DOCK8: variants seen among roughly 807,000 people sequenced by gnomAD.
The protein encoded by DOCK8 is dedicator of cytokinesis 8, also known as dedicator of cytokinesis protein 8.
In DOCK8, 141 loss-of-function variants were observed where a neutral mutation model predicts 245.6. That is an observed-to-expected ratio of 0.57 (90% CI 0.50 to 0.66). The LOEUF (loss-of-function observed/expected upper bound fraction) is 0.66. Ranked by LOEUF, DOCK8 falls within the 30% of genes least tolerant of loss-of-function variation. The pLI is 0.00. For synonymous variants in DOCK8, 1,168 were observed against 970.2 expected, an observed-to-expected ratio of 1.20 and a Z score of -3.79; for missense variants, 2,965 against 2,603.4, an observed-to-expected ratio of 1.14 and a Z score of -3.02.
At chr9:376,381 C>A in intron 19 of DOCK8, 76 bp downstream of exon 19, 5 of 1,038,330 alleles carry the variant, frequency 4.8e-6, no homozygotes, top group Non-Finnish European at 7.6e-6. Context: ...AATAAAAGAT[C>A]AGTGAAAATC....
chr9:220,461 C>T (rs529749918), intron 1 of DOCK8, among the ~76,000 whole-genome samples: 1 of 152,096 alleles, frequency 6.6e-6, no homozygotes, highest in Admixed American at 6.5e-5. Context: ...GACCAAGTCT[C>T]CCATCTCAAC....
chr9:319,222 G>A (rs2050478313), intron 7 of DOCK8, among the ~76,000 whole-genome samples: 1 of 152,198 alleles, frequency 6.6e-6, no homozygotes, highest in South Asian at 2.1e-4. Flanking sequence ...GTTCAAGGCT[G>A]CAGTGAGCTA....
chr9:356,747 A>G (rs993087977), intron 14 of DOCK8, among the ~76,000 whole-genome samples: 5 of 152,162 alleles, frequency 3.3e-5, no homozygotes, highest in African/African-American at 4.8e-5. Flanking sequence ...ACCAATTCAT[A>G]CTAAGGTGAG....
chr9:315,392 C>G (rs1443605520), intron 6 of DOCK8, among the ~76,000 whole-genome samples: 1 of 152,100 alleles, frequency 6.6e-6, no homozygotes, highest in Non-Finnish European at 1.5e-5. Context: ...TTAGAAGAGA[C>G]TGAGGAAATA....
intron 4 of DOCK8, among the ~76,000 whole-genome samples, chr9:291,963 G>C (rs552318776): frequency 3.3e-5 from 5 of 150,708 alleles, no homozygotes; most frequent in African/African-American, 1.2e-4. Context: ...CTAGCTACTC[G>C]GGAGGCTGAG....
intron 28 of DOCK8, among the ~76,000 whole-genome samples, chr9:407,664 C>T (rs2055501306): frequency 6.6e-6 from 1 of 152,176 alleles, no homozygotes; most frequent in Non-Finnish European, 1.5e-5. Context: ...TTCCTTCTCT[C>T]CCTATGCTCC....
chr9:326,745 C>G (rs1420437281), intron 8 of DOCK8, among the ~76,000 whole-genome samples: 1 of 152,206 alleles, frequency 6.6e-6, no homozygotes, highest in African/African-American at 2.4e-5. Flanking sequence ...CCAAATTACT[C>G]TTGTCACTGC....
intron 46 of DOCK8, chr9:460,068 C>T (rs1423213395): frequency 6.6e-6 from 1 of 152,214 alleles, no homozygotes; most frequent in Non-Finnish European, 1.5e-5. Flanking sequence ...CCAGAAGCAT[C>T]TGTTTGCCTT....
intron 1 of DOCK8, among the ~76,000 whole-genome samples, chr9:233,447 A>G (rs1228741128): frequency 1.3e-5 from 2 of 152,132 alleles, no homozygotes; most frequent in African/African-American, 2.4e-5. Flanking sequence ...ATTCCTCGGT[A>G]TCCTTGTTGA....
intron 15 of DOCK8, 114 bp downstream of exon 15, chr9:368,249 T>C: frequency 1.1e-6 from 1 of 897,320 alleles, no homozygotes; most frequent in Non-Finnish European, 1.9e-6. Flanking sequence ...AGGCCAATAC[T>C]GCTCAGCATG....
In DOCK8 at chr9:214,994, C is replaced by T. The variant is rs1478022070; in HGVS notation, c.18C>T (p.Ser6=). The T allele has an allele frequency of 1.3e-6, 2 of 1,597,112 alleles. No homozygotes were observed. Among genetic ancestry groups the T allele is most frequent in the Admixed American group, 3.4e-5 (2 of 59,104 alleles). The change falls in exon 1 of 48, where the codon AGC becomes AGT. Residue 6 remains serine, a synonymous_variant. Coordinates refer to ENST00000432829, the MANE Select transcript of DOCK8 (RefSeq NM_203447.4). MATLP[S]AERRAFALKI... is the part of the protein sequence containing the mutation. ...GGCGGGCCATGGCCACTCTGCCGAG[C>T]GCAGAGCGCCGCGCGTTCGCGCTCA... is the stretch of plus-strand genomic sequence containing the variant.
intron 7 of DOCK8, among the ~76,000 whole-genome samples, chr9:324,758 A>C (rs749017966): frequency 1.3e-5 from 2 of 152,316 alleles, no homozygotes; most frequent in Non-Finnish European, 2.9e-5. Context: ...AAAGCAATTG[A>C]ACTTTTCTTT....
intron 22 of DOCK8, among the ~76,000 whole-genome samples, chr9:384,832 C>T (rs1397232000): frequency 6.6e-6 from 1 of 152,262 alleles, no homozygotes; most frequent in Admixed American, 6.5e-5. Context: ...AGGAGAATGG[C>T]GTGAACCCGG....
At chr9:271,009 C>G (rs2048149066) in intron 1 of DOCK8, among the ~76,000 whole-genome samples, 1 of 152,218 alleles carries the variant, frequency 6.6e-6, no homozygotes, top group African/African-American at 2.4e-5. Context: ...GAACAATTTC[C>G]TCTCATGTGT....
intron 2 of DOCK8, among the ~76,000 whole-genome samples, chr9:286,075 G>A (rs968836450): frequency 2.0e-5 from 3 of 152,164 alleles, no homozygotes; most frequent in African/African-American, 4.8e-5. Flanking sequence ...AATTGTCTCC[G>A]TTCCCTAGTT....
chr9:306,614 G>A (rs541744299), intron 5 of DOCK8, among the ~76,000 whole-genome samples: 10 of 152,270 alleles, frequency 6.6e-5, no homozygotes, highest in Non-Finnish European at 7.3e-5. Flanking sequence ...TGGGGTATAC[G>A]GCAGTGGTTC....
intron 36 of DOCK8, among the ~76,000 whole-genome samples, chr9:431,649 C>T (rs2056718369): frequency 6.6e-6 from 1 of 152,154 alleles, no homozygotes; most frequent in Non-Finnish European, 1.5e-5. Context: ...GCTGGAATTA[C>T]AGGTGTCCAC....
chr9:221,657 CAA>C (rs34575251), intron 1 of DOCK8, among the ~76,000 whole-genome samples: 27 of 120,150 alleles, frequency 2.2e-4, no homozygotes, highest in Admixed American at 4.1e-4. Context: ...ACTAAAAGTA[CAA>C]AAAAAAAAAA....
chr9:423,819 G>A (rs2056376721), intron 33 of DOCK8, among the ~76,000 whole-genome samples: 1 of 152,106 alleles, frequency 6.6e-6, no homozygotes, highest in Non-Finnish European at 1.5e-5. Context: ...TGCTTAGGTG[G>A]TTTAGCTCAT....
Sources: allele counts gnomAD v4.1 joint callset (sites outside exome capture counted in the v4.1 genomes callset), GRCh38; gene constraint gnomAD v4.1.1; transcripts MANE v1.5; gene names NCBI Gene and HGNC (gene_info 2026-07-23, HGNC 2026-07-21).